The following EIF4G3 variants were observed in gnomAD, a reference collection of about 807,000 sequenced individuals.
EIF4G3 encodes the protein eIF-4-gamma 3.
Under a neutral mutation model 186.4 loss-of-function variants are expected in EIF4G3, and 34 were observed. The ratio of observed to expected loss-of-function variants is 0.18; its 90% CI spans 0.14 to 0.24. The LOEUF (loss-of-function observed/expected upper bound fraction) is 0.24. Ranked by LOEUF, EIF4G3 falls within the 10% of genes least tolerant of loss-of-function variation. The probability of loss-of-function intolerance (pLI) is 1.00; values close to 1 mark genes in which losing one functional copy is unlikely to be tolerated. For synonymous variants in EIF4G3, 673 were observed against 679.5 expected (o/e 0.99, Z 0.15); for missense variants, 1,536 against 1,948.5 (o/e 0.79, Z 3.99).
intron 7 of EIF4G3, among the ~76,000 whole-genome samples, chr1:20,992,009 G>A (rs1373924246): frequency 6.6e-6 from 1 of 152,116 alleles, no homozygotes; most frequent in Non-Finnish European, 1.5e-5. Flanking sequence ...TACCCATTTT[G>A]AAGATCAGAA....
chr1:21,100,427 A>G (rs1050013634), intron 2 of EIF4G3, among the ~76,000 whole-genome samples: 11 of 152,170 alleles, frequency 7.2e-5, no homozygotes, highest in African/African-American at 2.7e-4. Flanking sequence ...ATTGCATGTA[A>G]TTTAAAAATA....
chr1:21,088,266 C>G (rs1487519145), intron 3 of EIF4G3, among the ~76,000 whole-genome samples: 1 of 151,110 alleles, frequency 6.6e-6, no homozygotes, highest in Non-Finnish European at 1.5e-5. Flanking sequence ...ACTAAAAGAA[C>G]AAAATTAGCA....
chr1:20,830,896 T>C (rs1452226461), intron 30 of EIF4G3, among the ~76,000 whole-genome samples: 2 of 152,226 alleles, frequency 1.3e-5, no homozygotes, highest in African/African-American at 4.8e-5. Context: ...TCCTGTTGCA[T>C]GATTCTAAAA....
chr1:20,999,855 T>C (rs2083117988), intron 6 of EIF4G3: 2 of 358,290 alleles, frequency 5.6e-6, no homozygotes, highest in South Asian at 4.4e-5. Flanking sequence ...CTTTTCTTTT[T>C]GTTAAAGAAG....
chr1:21,104,983 C>T (rs2096589150), intron 2 of EIF4G3, among the ~76,000 whole-genome samples: 1 of 152,140 alleles, frequency 6.6e-6, no homozygotes, highest in South Asian at 2.1e-4. Context: ...TGCATGTTCT[C>T]ACAAGTGGGA....
chr1:20,811,081 T>C (rs943877197), intron 35 of EIF4G3, among the ~76,000 whole-genome samples, 197 bp from the exon 36 acceptor site: 2 of 152,058 alleles, frequency 1.3e-5, no homozygotes, highest in African/African-American at 2.4e-5. Context: ...TCCCAAGTTG[T>C]TGGGACTACA....
At chr1:21,000,747 T>G (rs533289200) in intron 6 of EIF4G3, among the ~76,000 whole-genome samples, 1 of 152,144 alleles carries the variant, frequency 6.6e-6, no homozygotes, top group Non-Finnish European at 1.5e-5. Flanking sequence ...TTTTTAGTAA[T>G]GGGGTGGGTA....
At chr1:21,033,887 C>G (rs1028807209) in intron 4 of EIF4G3, among the ~76,000 whole-genome samples, 1 of 152,142 alleles carries the variant, frequency 6.6e-6, no homozygotes, top group Non-Finnish European at 1.5e-5. Flanking sequence ...GAGTTCAAGA[C>G]CAGCCTGGGC....
chr1:21,107,368 G>A (rs1201059222), intron 2 of EIF4G3, among the ~76,000 whole-genome samples: 1 of 151,872 alleles, frequency 6.6e-6, no homozygotes, highest in African/African-American at 2.4e-5. Flanking sequence ...AGTAAAGACT[G>A]GCCATGTTGG....
At chr1:21,048,773 A>G (rs897335756) in intron 4 of EIF4G3, among the ~76,000 whole-genome samples, 1 of 152,192 alleles carries the variant, frequency 6.6e-6, no homozygotes, top group Non-Finnish European at 1.5e-5. Context: ...ACTCCCATTC[A>G]GAAAGCCACA....
At chr1:21,058,926 T>C (rs1289192240) in intron 3 of EIF4G3, among the ~76,000 whole-genome samples, 3 of 150,648 alleles carry the variant, frequency 2.0e-5, no homozygotes, top group East Asian at 3.9e-4. Context: ...CAAACAGGCA[T>C]TGACTGAATA....
chr1:21,077,169 G>A (rs1319127295), intron 3 of EIF4G3, among the ~76,000 whole-genome samples: 1 of 152,170 alleles, frequency 6.6e-6, no homozygotes, highest in African/African-American at 2.4e-5. Flanking sequence ...GGTCAAGATA[G>A]GAGGACTGCT....
At chr1:21,024,901 T>TTA (rs768812958) in intron 4 of EIF4G3, among the ~76,000 whole-genome samples, 10 of 143,186 alleles carry the variant, frequency 7.0e-5, no homozygotes, top group South Asian at 2.2e-4. Flanking sequence ...AAAATAAATT[T>TTA]AAAAAAAAAA....
At chr1:21,039,755 C>T (rs1253400546) in intron 4 of EIF4G3, among the ~76,000 whole-genome samples, 1 of 152,166 alleles carries the variant, frequency 6.6e-6, no homozygotes, top group African/African-American at 2.4e-5. Flanking sequence ...ATATAAATCA[C>T]ATAACTGATA....
intron 29 of EIF4G3, among the ~76,000 whole-genome samples, chr1:20,843,354 C>T (rs2069428192): frequency 6.6e-6 from 1 of 151,502 alleles, no homozygotes; most frequent in African/African-American, 2.4e-5. Flanking sequence ...CCGTGTCTAC[C>T]AAAAATACAA....
rs965379976 is a variant in EIF4G3 at position 21,129,262 on chromosome 1, C to G, written c.-271-40049G>C. ...CCTGGGAGGCAGAGGTTGCGGTAAG[C>G]CTAGATTGCACCACTGCACTCCAGC... On this transcript the variant is annotated intron_variant, in intron 2 of 36. Coordinates refer to ENST00000602326, the MANE Select transcript of EIF4G3 (RefSeq NM_001391906.1). Among the ~76,000 whole-genome samples the G allele has an allele frequency of 2.6e-5, 4 of 152,052 alleles. No individual in the cohort carries two copies. The East Asian group carries it at 7.7e-4, about 29-fold the overall frequency.
intron 19 of EIF4G3, among the ~76,000 whole-genome samples, chr1:20,880,434 C>T (rs1316959627): frequency 6.6e-6 from 1 of 152,090 alleles, no homozygotes; most frequent in Non-Finnish European, 1.5e-5. Context: ...ACAGCAGCAC[C>T]AAAATCTACA....
At chr1:21,134,698 T>C (rs1341613867) in intron 2 of EIF4G3, among the ~76,000 whole-genome samples, 1 of 151,898 alleles carries the variant, frequency 6.6e-6, no homozygotes, top group Non-Finnish European at 1.5e-5. Flanking sequence ...ATAACAGAAA[T>C]ACATTGGGCT....
chr1:21,098,469 G>A (rs1408613365), intron 2 of EIF4G3, among the ~76,000 whole-genome samples: 2 of 145,122 alleles, frequency 1.4e-5, no homozygotes, highest in African/African-American at 5.0e-5. Flanking sequence ...AGCTCAGGAG[G>A]TGGAGACTGC....
Sources: gnomAD v4.1 joint callset for allele counts (sites outside exome capture counted in the v4.1 genomes callset) on GRCh38, gnomAD v4.1.1 for gene constraint, MANE v1.5 for transcripts, NCBI Gene and HGNC (gene_info 2026-07-23, HGNC 2026-07-21) for gene names.